ADAM2: variants seen among roughly 807,000 people sequenced by gnomAD.
ADAM2 encodes disintegrin and metalloproteinase domain-containing protein 2.
A neutral mutation model predicts 99.3 loss-of-function variants in ADAM2; 101 were observed. The observed-to-expected ratio is 1.02, with a 90% CI of 0.87 to 1.20. The LOEUF is 1.20. ADAM2 is among the 50% of genes most tolerant of loss of function. The probability of loss-of-function intolerance (pLI) is 0.00; values close to 1 mark genes in which losing one functional copy is unlikely to be tolerated. For synonymous variants in ADAM2, 323 were observed against 287.6 expected, an observed-to-expected ratio of 1.12 and a Z score of -1.25; for missense variants, 948 against 878.7, an observed-to-expected ratio of 1.08 and a Z score of -1.00.
Position 39,783,015 on chromosome 8 carries a change from T to G in ADAM2, c.891+3959A>C, listed in dbSNP as rs189534857. 7.9e-5 allele frequency among the ~76,000 whole-genome samples: 12 copies of G among 152,278 alleles called. No individual in the cohort carries two copies. The East Asian group carries it at 2.3e-3, about 29-fold the overall frequency. ...TTATACATTAAAGCTATAAATGCAC[T>G]ACCTCTCAGCTCTGCCTTTTTGGGA... is the stretch of plus-strand genomic sequence containing the variant. On this transcript the variant is annotated intron_variant, in intron 10 of 20. Transcript: ENST00000265708.
chr8:39,767,022 ACATT>A lies in ADAM2; in HGVS notation c.1329_1332del (p.Arg443SerfsTer36). 1 of 1,614,010 alleles carries A rather than the reference ACATT, an allele frequency of 6.2e-7. No individual in the cohort carries two copies. The highest frequency in any genetic ancestry group is 1.3e-5 in the African/African-American group (1 of 75,056). On this transcript the variant is annotated frameshift_variant, in exon 14 of 21. Transcript: ENST00000265708. LOFTEE classifies it high-confidence loss of function. ...TCGCATTCTTCAAAGGAAGGCCTAC[ACATT>A]CTTTCTTTTGACATAAACTGATGGG...
rs1353656077 is a variant in ADAM2, at chr8:39,746,565, G to T, written c.2081C>A (p.Pro694His). 1.2e-6 allele frequency: 2 copies of T among 1,606,526 alleles called. No individual in the cohort carries two copies. The highest frequency in any genetic ancestry group is 1.7e-6 in the Non-Finnish European group (2 of 1,176,310). ...PMRWPFFLFI[P>H]FFIIFCVLIA... ...CAGTACACAGAAAATAATAAAGAAA[G>T]GAATGAATAAGAAAAATGGCCATCT... Residue 694 changes from proline (P) to histidine (H), a missense_variant, in exon 19 of 21, where the codon CCT (proline) becomes CAT (histidine). Coordinates refer to ENST00000265708, the MANE Select transcript of ADAM2 (RefSeq NM_001464.5).
chr8:39,828,725 A>G, intron 3 of ADAM2, among the ~76,000 whole-genome samples: 1 of 151,852 alleles, frequency 6.6e-6, no homozygotes, highest in East Asian at 1.9e-4. Context: ...AGAGAAGAGA[A>G]CAAAGAATCC....
At chr8:39,831,486 G>C (rs886205493) in intron 3 of ADAM2, among the ~76,000 whole-genome samples, 3 of 152,070 alleles carry the variant, frequency 2.0e-5, no homozygotes, top group Admixed American at 1.3e-4. Flanking sequence ...CAAACATATG[G>C]AAAAGTCCAA....
chr8:39,823,067 T>G (rs951508761), intron 4 of ADAM2, among the ~76,000 whole-genome samples: 2 of 152,164 alleles, frequency 1.3e-5, no homozygotes, highest in Admixed American at 1.3e-4. Context: ...ACACCCGGCC[T>G]GAGGTCTGTT....
Position 39,834,023 on chromosome 8 carries a change from T to C in ADAM2, c.133-24A>G, listed in dbSNP as rs201294436. 6.6e-4 allele frequency: 951 copies of C among 1,445,222 alleles called. 5 individuals are homozygous for C. The Middle Eastern group carries it at 0.016, about 24-fold the overall frequency. 89.5% of individuals were successfully genotyped at this position (1,445,222 alleles called of 1,614,324 possible). ...GCCTGGCAGGAGAGCACAGTAAAAA[T>C]ACAAAGAAAATGAAAAAAAATGTTA... On this transcript the variant is annotated intron_variant, in intron 2 of 20. Transcript: ENST00000265708.
intron 18 of ADAM2, among the ~76,000 whole-genome samples, chr8:39,746,946 G>A (rs1333848309): frequency 2.0e-5 from 3 of 152,056 alleles, no homozygotes; most frequent in Non-Finnish European, 4.4e-5. Flanking sequence ...TCAGGATTAT[G>A]TTTTCCTCAT....
chr8:39,779,369 A>G (rs954996956), intron 10 of ADAM2, among the ~76,000 whole-genome samples: 5 of 151,996 alleles, frequency 3.3e-5, no homozygotes, highest in African/African-American at 9.7e-5. Flanking sequence ...CAGCAGTCCT[A>G]TTGAATTAGA....
rs185207663 is a variant in ADAM2, at chr8:39,817,708, A to T, written c.513+3294T>A. Reference sequence around the variant, plus strand: ...TTAAAAGAGATACACTTTAATTAAAATATTATTAGCTACTCTGACCACACA... The same window carrying T: ...TTAAAAGAGATACACTTTAATTAAATTATTATTAGCTACTCTGACCACACA... On this transcript the variant is annotated intron_variant, in intron 6 of 20. Transcript: ENST00000265708. Among the ~76,000 whole-genome samples, 5 of 152,210 alleles carry T rather than the reference A, an allele frequency of 3.3e-5. No individual in the cohort carries two copies. The East Asian group carries it at 7.7e-4, about 23-fold the overall frequency.
Position 39,798,604 on chromosome 8 carries a change from A to G in ADAM2, c.571-9864T>C, listed in dbSNP as rs139658769. Among the ~76,000 whole-genome samples the G allele has an allele frequency of 5.0e-3, 757 of 152,298 alleles. 4 individuals carry two copies. Among genetic ancestry groups the G allele is most frequent in the African/African-American group, 0.017 (723 of 41,562 alleles). ...CTTTTCAATTGTTTGGAATAGTTTCAGAAGTAATGGTACCAGCTCCTCTTT... is the reference window on the plus strand; with the variant it reads ...CTTTTCAATTGTTTGGAATAGTTTCGGAAGTAATGGTACCAGCTCCTCTTT... On this transcript the variant is annotated intron_variant, in intron 7 of 20. Transcript: ENST00000265708.
intron 7 of ADAM2, among the ~76,000 whole-genome samples, chr8:39,802,781 A>G (rs1341838337): frequency 1.3e-5 from 2 of 152,190 alleles, no homozygotes; most frequent in Non-Finnish European, 2.9e-5. Context: ...CTTTAAGCTC[A>G]GATCTGAAAA....
chr8:39,779,790 T>A (rs995251734), intron 10 of ADAM2, among the ~76,000 whole-genome samples: 11 of 152,176 alleles, frequency 7.2e-5, no homozygotes, highest in African/African-American at 2.7e-4. Context: ...TATTGAGACT[T>A]GTTTTTTGCA....
chr8:39,788,663 A>G lies in ADAM2; in HGVS notation c.642+6T>C, dbSNP rs765940473. On this transcript the variant is annotated splice_donor_region_variant and intron_variant, in intron 8 of 20. Coordinates refer to ENST00000265708, the MANE Select transcript of ADAM2 (RefSeq NM_001464.5). ...AGTGCAAAAGTACTAAGAAGCAAAG[A>G]CTTACAGCATTCGTCAATCCAATCA... 1 of 1,569,710 alleles carries G rather than the reference A, an allele frequency of 6.4e-7. No individual in the cohort carries two copies.
At chr8:39,797,853 G>T (rs1006244710) in intron 7 of ADAM2, among the ~76,000 whole-genome samples, 2 of 152,098 alleles carry the variant, frequency 1.3e-5, no homozygotes, top group Non-Finnish European at 2.9e-5. Flanking sequence ...GCCTATTGTT[G>T]GTATAAAGGA....
At chr8:39,833,862 A>G (rs778810721) in intron 3 of ADAM2, 82 bp downstream of exon 3, 5 of 803,374 alleles carry the variant, frequency 6.2e-6, no homozygotes, top group Admixed American at 4.4e-5. Context: ...TTTCAAATAC[A>G]AAATAATTAC....
intron 6 of ADAM2, among the ~76,000 whole-genome samples, chr8:39,810,605 A>T (rs1804655336): frequency 6.6e-6 from 1 of 152,226 alleles, no homozygotes; most frequent in Admixed American, 6.5e-5. Flanking sequence ...CAGTGCAATC[A>T]AATTAGAACT....
intron 3 of ADAM2, among the ~76,000 whole-genome samples, chr8:39,827,149 T>C (rs1032348124): frequency 3.3e-5 from 5 of 152,084 alleles, no homozygotes; most frequent in African/African-American, 1.2e-4. Flanking sequence ...TTCTCACTAA[T>C]CATCAGAAAA....
intron 10 of ADAM2, among the ~76,000 whole-genome samples, chr8:39,785,342 G>T (rs1395355679): frequency 1.3e-5 from 2 of 152,128 alleles, no homozygotes; most frequent in Non-Finnish European, 2.9e-5. Context: ...AGTCAGAACG[G>T]CTCTTATTAC....
chr8:39,830,049 G>T (rs1245319819), intron 3 of ADAM2, among the ~76,000 whole-genome samples: 1 of 152,092 alleles, frequency 6.6e-6, no homozygotes, highest in Non-Finnish European at 1.5e-5. Context: ...CTTCTTGAGT[G>T]CAGTCAATAT....
Sources: gnomAD v4.1 joint callset for allele counts (sites outside exome capture counted in the v4.1 genomes callset) on GRCh38, gnomAD v4.1.1 for gene constraint, MANE v1.5 for transcripts, NCBI Gene and HGNC (gene_info 2026-07-23, HGNC 2026-07-21) for gene names.